NLRP4: variants seen among roughly 807,000 people sequenced by gnomAD.
NLRP4 encodes the protein NACHT, LRR and PYD domains-containing protein 4.
NLRP4 carries 44 observed loss-of-function variants against 84.7 expected under a neutral mutation model. That is an observed-to-expected ratio of 0.52 (90% confidence interval 0.41 to 0.67). NLRP4 has a LOEUF of 0.67. Ranked by LOEUF, NLRP4 falls within the 30% of genes least tolerant of loss-of-function variation. The pLI is 0.00. For synonymous variants in NLRP4, 544 were observed against 476.4 expected, an observed-to-expected ratio of 1.14 and a Z score of -1.85; for missense variants, 1,260 against 1,219.4, an observed-to-expected ratio of 1.03 and a Z score of -0.50.
chr19:55,846,789 T>A (rs1041043976), intron 1 of NLRP4, among the ~76,000 whole-genome samples: 10 of 152,128 alleles, frequency 6.6e-5, no homozygotes, highest in African/African-American at 2.4e-4. Flanking sequence ...TACATGTTCC[T>A]ATAATTAAGA....
In NLRP4 at chr19:55,850,712, A is replaced by T. The variant is rs563272339; in HGVS notation, c.-65-1304A>T. Among the ~76,000 whole-genome samples the T allele has an allele frequency of 6.3e-4, 64 of 101,536 alleles. 12 individuals carry two copies. Among genetic ancestry groups the T allele is most frequent in the Middle Eastern group, 0.015 (2 of 134 alleles). 66.6% of individuals were successfully genotyped at this position (101,536 alleles called of 152,430 possible). A position where few individuals can be genotyped will look rare whatever the true frequency, so the allele number is the denominator to read the frequency against. ...GTCCGTGGCTGCGGTGTACTTCCCG[A>T]GGCTGCGGTGTACTTTCCGAGGCTG... On this transcript the variant is annotated intron_variant, in intron 1 of 9. Transcript: ENST00000301295.
intron 1 of NLRP4, among the ~76,000 whole-genome samples, chr19:55,838,919 A>C (rs1415295142): frequency 2.6e-5 from 4 of 152,094 alleles, no homozygotes; most frequent in Middle Eastern, 6.8e-3. Context: ...TTGTTTTCAC[A>C]AGTAGACCGA....
chr19:55,850,767 T>TCCCGAGGC (rs1568659302), intron 1 of NLRP4, among the ~76,000 whole-genome samples: 5,133 of 75,896 alleles, frequency 0.068, 1,954 homozygotes, highest in Non-Finnish European at 0.097. Context: ...GCGGTGTAAT[T>TCCCGAGGC]TCCGAGGCTG....
At chr19:55,868,100 G>C (rs1272760378) in intron 6 of NLRP4, among the ~76,000 whole-genome samples, 1 of 152,226 alleles carries the variant, frequency 6.6e-6, no homozygotes, top group African/African-American at 2.4e-5. Flanking sequence ...TCCTGTCTTA[G>C]AGGTCTTATG....
chr19:55,855,717 A>G (rs764150180), intron 2 of NLRP4, among the ~76,000 whole-genome samples: 19 of 152,382 alleles, frequency 1.2e-4, no homozygotes, highest in African/African-American at 3.1e-4. Context: ...ATCAGCAGCT[A>G]CTCACTTGCA....
chr19:55,870,870 T>C lies in NLRP4; in HGVS notation c.2398T>C (p.Ser800Pro), dbSNP rs1985151614. The change falls in exon 7 of 10, where the codon TCT becomes CCT. Residue 800 changes from serine to proline, a missense_variant. Transcript: ENST00000301295. Reference sequence around the variant, plus strand: ...CAGCGAGCAGTGCTGCGAATACATCTCTGAAATGCTTCTGCGTAACAAGAG... The same window carrying C: ...CAGCGAGCAGTGCTGCGAATACATCCCTGAAATGCTTCTGCGTAACAAGAG... ...HLSEQCCEYI[S>P]EMLLRNKSVR... The C allele has an allele frequency of 1.9e-6, 3 of 1,614,022 alleles. No homozygotes were observed. The highest frequency in any genetic ancestry group is 2.5e-6 in the Non-Finnish European group (3 of 1,179,986).
At position 55,852,753 on chromosome 19, in the gene NLRP4, A is replaced by G. The variant is rs531551867; in HGVS notation, c.280+393A>G. On this transcript the variant is annotated intron_variant, in intron 2 of 9. Transcript: ENST00000301295. ...TGGCCTCCCAAAGTGCTGGGATTAT[A>G]GGCATGATCCACCATGCCCAGCCTG... Among the ~76,000 whole-genome samples the G allele has an allele frequency of 2.0e-5, 3 of 152,306 alleles. 1 individual carries two copies. The highest frequency in any genetic ancestry group is 7.2e-5 in the African/African-American group (3 of 41,564).
chr19:55,859,926 C>CAAAAAAAAA lies in NLRP4; in HGVS notation c.1856+695_1856+703dup, dbSNP rs1166037425. On this transcript the variant is annotated intron_variant, in intron 3 of 9. Coordinates refer to ENST00000301295, the MANE Select transcript of NLRP4 (RefSeq NM_134444.5). ...TGGGTGACAGTGAGACTCTCATCTC[C>CAAAAAAAAA]AAAAAAAAAAAAAAAAAAAAAAAAA... Among the ~76,000 whole-genome samples the CAAAAAAAAA allele has an allele frequency of 2.4e-3, 42 of 17,488 alleles. 1 individual carries two copies. The highest frequency in any genetic ancestry group is 7.5e-3 in the African/African-American group (34 of 4,542). The allele number at this position is 17,488 out of a possible 152,430, so 11.5% of individuals were successfully genotyped here.
chr19:55,878,683 G>C, intron 8 of NLRP4, 111 bp from the exon 9 acceptor site: 1 of 880,112 alleles, frequency 1.1e-6, no homozygotes, highest in South Asian at 1.8e-5. Context: ...GACTGTGAGA[G>C]ATTGCACTTG....
intron 2 of NLRP4, among the ~76,000 whole-genome samples, chr19:55,852,633 T>G (rs969188799): frequency 6.6e-6 from 1 of 151,974 alleles, no homozygotes; most frequent in African/African-American, 2.4e-5. Flanking sequence ...CCTGCCACCA[T>G]GCCTGGCTAA....
At chr19:55,873,244 G>A (rs1411019054) in intron 7 of NLRP4, among the ~76,000 whole-genome samples, 1 of 152,090 alleles carries the variant, frequency 6.6e-6, no homozygotes, top group Non-Finnish European at 1.5e-5. Context: ...AATGTGGATT[G>A]TGTATAAAAA....
chr19:55,852,042 A>T lies in NLRP4; in HGVS notation c.-39A>T. The T allele has an allele frequency of 6.8e-7, 1 of 1,479,444 alleles. No individual in the cohort carries two copies. Among genetic ancestry groups the T allele is most frequent in the Non-Finnish European group, 9.2e-7 (1 of 1,083,092 alleles). The allele number at this position is 1,479,444 out of a possible 1,614,324, so 91.6% of individuals were successfully genotyped here. ...TTTTATTTATTTATTGTTCCTGGTC[A>T]CTGTCTCTTTGAGGATTGGTATCTC... is the stretch of plus-strand genomic sequence containing the variant. On this transcript the variant is annotated 5_prime_UTR_variant, in exon 2 of 10. Transcript: ENST00000301295.
intron 1 of NLRP4, among the ~76,000 whole-genome samples, chr19:55,849,898 C>T (rs1033393284): frequency 2.6e-5 from 3 of 116,576 alleles, no homozygotes; most frequent in Non-Finnish European, 5.0e-5. Context: ...CCGTGGCCGG[C>T]GGTGTAATTT....
chr19:55,862,231 G>A (rs1984791722), intron 5 of NLRP4, 72 bp downstream of exon 5: 1 of 798,898 alleles, frequency 1.3e-6, no homozygotes, highest in African/African-American at 1.8e-5. Context: ...CGTTTATTGA[G>A]ACCACTGATT....
intron 4 of NLRP4, 28 bp downstream of exon 4, chr19:55,861,575 GTATGTCACGGAGATGACC>G: frequency 1.2e-6 from 2 of 1,605,912 alleles, no homozygotes; most frequent in Non-Finnish European, 1.7e-6. Context: ...TTCGACTCGA[GTATGTCACGGAGATGACC>G]TATTCATCTC....
chr19:55,867,862 C>T lies in NLRP4; in HGVS notation c.2340C>T (p.Val780=), dbSNP rs1331627991. ...AAGCCCTGTGCAGCCCAGACACGGT[C>T]CTGGTATACCTGATGTGAGTGGATG... ...LCEALCSPDT[V]LVYLMLAFCH... Residue 780 remains valine, a synonymous_variant, in exon 6 of 10, where the codon GTC becomes GTT. Transcript: ENST00000301295. 5 of 1,613,976 alleles carry T rather than the reference C, an allele frequency of 3.1e-6. No individual in the cohort carries two copies. The highest frequency in any genetic ancestry group is 4.2e-6 in the Non-Finnish European group (5 of 1,179,906).
intron 1 of NLRP4, among the ~76,000 whole-genome samples, chr19:55,843,876 T>C (rs1193408423): frequency 6.6e-6 from 1 of 152,126 alleles, no homozygotes; most frequent in Non-Finnish European, 1.5e-5. Context: ...TAACAAGTGT[T>C]AGCCCTTTTC....
chr19:55,838,492 T>A (rs1473263952), intron 1 of NLRP4, among the ~76,000 whole-genome samples: 1 of 152,078 alleles, frequency 6.6e-6, no homozygotes, highest in Non-Finnish European at 1.5e-5. Context: ...ATTTTGGACA[T>A]CTAGGCTCCA....
chr19:55,875,943 A>G (rs1344373205), intron 7 of NLRP4, among the ~76,000 whole-genome samples: 1 of 152,108 alleles, frequency 6.6e-6, no homozygotes, highest in Non-Finnish European at 1.5e-5. Context: ...AGGCTGAGGC[A>G]GGAGAATCAC....
Sources: allele counts gnomAD v4.1 joint callset (sites outside exome capture counted in the v4.1 genomes callset), GRCh38; gene constraint gnomAD v4.1.1; transcripts MANE v1.5; gene names NCBI Gene and HGNC (gene_info 2026-07-23, HGNC 2026-07-21).